IQCM: variants seen among roughly 807,000 people sequenced by gnomAD.
The protein encoded by IQCM is IQ motif containing M.
A neutral mutation model predicts 57.6 loss-of-function variants in IQCM; 45 were observed. That is an observed-to-expected ratio of 0.78 (90% CI 0.62 to 1.00). The LOEUF (loss-of-function observed/expected upper bound fraction) is 1.00. Among genes scored for constraint, IQCM ranks in the 50% least tolerant of loss-of-function variants. The pLI, the probability that IQCM is intolerant of heterozygous loss-of-function variation, is 0.00. For missense variants in IQCM, 468 were observed against 511.6 expected (o/e 0.91, Z 0.82); for synonymous variants, 148 against 158.9 (o/e 0.93, Z 0.51).
chr4:149,443,104 G>A (rs915044596), intron 12 of IQCM, among the ~76,000 whole-genome samples: 1 of 151,936 alleles, frequency 6.6e-6, no homozygotes, highest in East Asian at 1.9e-4. Context: ...CTTGTGCATG[G>A]CTGATGTTAC....
chr4:149,541,308 A>C (rs2149877128), intron 12 of IQCM, among the ~76,000 whole-genome samples: 1 of 152,252 alleles, frequency 6.6e-6, no homozygotes, highest in African/African-American at 2.4e-5. Flanking sequence ...GATGCATAGG[A>C]TATTTCAGGT....
intron 2 of IQCM, among the ~76,000 whole-genome samples, chr4:149,781,644 T>C (rs968082843): frequency 6.6e-5 from 10 of 152,180 alleles, no homozygotes; most frequent in South Asian, 2.1e-4. Context: ...TAGGTACATA[T>C]AGGAAAAAAC....
chr4:149,705,280 G>T (rs1027616101), intron 5 of IQCM, among the ~76,000 whole-genome samples: 1 of 148,272 alleles, frequency 6.7e-6, no homozygotes, highest in Non-Finnish European at 1.5e-5. Context: ...TAGGGCTCTG[G>T]AGAGCCCTAA....
rs147761738 is a variant in IQCM at position 149,439,109 on chromosome 4, T to A, written c.1229-5552A>T. The stretch of plus-strand genomic sequence containing the variant: ...ATATTCTTCACTACACATTTAAATG[T>A]TAAATGTATGAAAATTGTGCTGTTG... On this transcript the variant is annotated intron_variant, in intron 12 of 13. Transcript: ENST00000636793. 2.0e-5 allele frequency among the ~76,000 whole-genome samples: 3 copies of A among 152,208 alleles called. No individual in the cohort carries two copies. In the East Asian group the frequency reaches 5.8e-4, roughly 29 times the overall value.
At chr4:149,432,529 C>T (rs1474931999) in intron 13 of IQCM, among the ~76,000 whole-genome samples, 1 of 151,868 alleles carries the variant, frequency 6.6e-6, no homozygotes, top group Non-Finnish European at 1.5e-5. Context: ...AAATATAAAC[C>T]TAAAACTATA....
At chr4:149,784,206 A>G (rs1215530607) in intron 2 of IQCM, among the ~76,000 whole-genome samples, 1 of 152,188 alleles carries the variant, frequency 6.6e-6, no homozygotes, top group African/African-American at 2.4e-5. Flanking sequence ...TTTGGCCTAT[A>G]TCCAACTCTG....
rs1487628276 is a variant in IQCM at position 149,358,650 on chromosome 4, T to G, written c.1391-6584A>C. ...AAAACAAGTCAAATCCTGGATAATATATTAAATATATTTTAACTTCATTAC... is the reference window on the plus strand; with the variant it reads ...AAAACAAGTCAAATCCTGGATAATAGATTAAATATATTTTAACTTCATTAC... On this transcript the variant is annotated intron_variant, in intron 13 of 13. Transcript: ENST00000636793. Among the ~76,000 whole-genome samples, 3 of 152,064 alleles carry G rather than the reference T, an allele frequency of 2.0e-5. No homozygotes were observed. In the South Asian group the frequency reaches 6.2e-4, roughly 31 times the overall value.
chr4:149,424,192 T>C (rs1734312157), intron 13 of IQCM, among the ~76,000 whole-genome samples: 1 of 151,870 alleles, frequency 6.6e-6, no homozygotes, highest in East Asian at 1.9e-4. Context: ...TTCACATGTA[T>C]TTTAAAATGT....
intron 12 of IQCM, among the ~76,000 whole-genome samples, chr4:149,439,571 T>C (rs1489585604): frequency 6.6e-6 from 1 of 152,038 alleles, no homozygotes; most frequent in Non-Finnish European, 1.5e-5. Flanking sequence ...GTGAGTGTGT[T>C]TGTGTGTATA....
chr4:149,690,355 A>T lies in IQCM; in HGVS notation c.386-3887T>A, dbSNP rs538410659. Among the ~76,000 whole-genome samples, 82 of 152,154 alleles carry T rather than the reference A, an allele frequency of 5.4e-4. 1 individual carries two copies. The South Asian group carries it at 0.015, about 28-fold the overall frequency. On this transcript the variant is annotated intron_variant, in intron 5 of 13. Transcript: ENST00000636793. ...ACCAAACATCATATGTTCTCACTGA[A>T]ATGTGAGAGCTAAGACATGTGGATG...
intron 9 of IQCM, among the ~76,000 whole-genome samples, chr4:149,576,788 A>G (rs975759857): frequency 2.6e-5 from 4 of 151,818 alleles, no homozygotes; most frequent in African/African-American, 9.7e-5. Flanking sequence ...ATTGAATGAT[A>G]GTTTAAGTTC....
chr4:149,573,091 A>G (rs1267425480), intron 9 of IQCM, among the ~76,000 whole-genome samples: 3 of 151,910 alleles, frequency 2.0e-5, no homozygotes, highest in Non-Finnish European at 4.4e-5. Flanking sequence ...GAGCCAATCA[A>G]TAGACAATTA....
intron 12 of IQCM, among the ~76,000 whole-genome samples, chr4:149,520,362 T>C (rs1503708): frequency 0.55 from 82,946 of 151,684 alleles, 22,978 homozygotes; most frequent in African/African-American, 0.58. Context: ...CGTTCCTGTT[T>C]TCCTGGGTGG....
chr4:149,710,691 GCTCT>G (rs1764494566), intron 5 of IQCM, among the ~76,000 whole-genome samples: 1 of 152,072 alleles, frequency 6.6e-6, no homozygotes, highest in Non-Finnish European at 1.5e-5. Flanking sequence ...TATAACACTA[GCTCT>G]CTATTTATTT....
rs1766846749 is a variant in IQCM at position 149,735,454 on chromosome 4, A to G, written c.42T>C (p.Pro14=). 1 of 1,187,708 alleles carries G rather than the reference A, an allele frequency of 8.4e-7. No homozygotes were observed. Among genetic ancestry groups the G allele is most frequent in the Non-Finnish European group, 1.1e-6 (1 of 946,940 alleles). The allele number at this position is 1,187,708 out of a possible 1,614,324, so 73.6% of individuals were successfully genotyped here. A position where few individuals can be genotyped will look rare whatever the true frequency, so the allele number is the denominator to read the frequency against. Residue 14 remains proline (P), a synonymous_variant, in exon 4 of 14, where the codon CCT becomes CCC. Coordinates refer to ENST00000636793, the MANE Select transcript of IQCM (RefSeq NM_001363507.2). ...EEAMPEKAKC[P]TLEITKQDFF... is the part of the protein sequence containing the mutation. ...AGTCTTGCTTGGTGATCTCTAATGT[A>G]GGACCTAATATACAAACAGAGAAAC...
At chr4:149,578,477 A>G (rs925352859) in intron 9 of IQCM, among the ~76,000 whole-genome samples, 1 of 151,768 alleles carries the variant, frequency 6.6e-6, no homozygotes, top group Non-Finnish European at 1.5e-5. Context: ...TTTATCTATG[A>G]AAAAGGGAAC....
chr4:149,404,129 G>A (rs1171243245), intron 13 of IQCM, among the ~76,000 whole-genome samples: 1 of 151,902 alleles, frequency 6.6e-6, no homozygotes, highest in African/African-American at 2.4e-5. Context: ...TCACCTCTTG[G>A]GAGCACTAAA....
chr4:149,383,158 T>G (rs998327142), intron 13 of IQCM, among the ~76,000 whole-genome samples: 3 of 152,168 alleles, frequency 2.0e-5, no homozygotes, highest in African/African-American at 7.2e-5. Context: ...GTCTTCATAC[T>G]CTAAGATTTT....
In IQCM at chr4:149,375,999, G is replaced by A. The variant is rs184749717; in HGVS notation, c.1391-23933C>T. 9.9e-4 allele frequency among the ~76,000 whole-genome samples: 151 copies of A among 152,144 alleles called. 1 individual carries two copies. The highest frequency in any genetic ancestry group is 3.4e-3 in the African/African-American group (142 of 41,508). Reference sequence around the variant, plus strand: ...TAAATTGTACAATTAATATTTTGCTGTGTTTTCTTTATCATGCATCTCTCC... The same window carrying A: ...TAAATTGTACAATTAATATTTTGCTATGTTTTCTTTATCATGCATCTCTCC... On this transcript the variant is annotated intron_variant, in intron 13 of 13. Coordinates refer to ENST00000636793, the MANE Select transcript of IQCM (RefSeq NM_001363507.2).
Sources: gnomAD v4.1 joint callset for allele counts (sites outside exome capture counted in the v4.1 genomes callset) on GRCh38, gnomAD v4.1.1 for gene constraint, MANE v1.5 for transcripts, NCBI Gene and HGNC (gene_info 2026-07-23, HGNC 2026-07-21) for gene names.